Variants in SLC14A2 observed in about 807,000 individuals in gnomAD.
SLC14A2 encodes the protein solute carrier family 14 member 2.
Under a neutral mutation model 104.6 loss-of-function variants are expected in SLC14A2, and 91 were observed. The ratio of observed to expected loss-of-function variants is 0.87; its 90% CI spans 0.73 to 1.04. SLC14A2 has a LOEUF of 1.04. Ranked by LOEUF, SLC14A2 falls within the 50% of genes least tolerant of loss-of-function variation. SLC14A2 has a pLI of 0.00. For synonymous variants in SLC14A2, 476 were observed against 466.4 expected (o/e 1.02, Z -0.27); for missense variants, 1,189 against 1,156.0 (o/e 1.03, Z -0.41).
rs1390563934 is a variant in SLC14A2 at position 45,656,647 on chromosome 18, T to C, written c.1352-7138T>C. Reference sequence around the variant, plus strand: ...TCATTCTGGAGAAAAATCAGTCTGGTGTCCCGCAGTTAGAGATGGGGTGCT... The same window carrying C: ...TCATTCTGGAGAAAAATCAGTCTGGCGTCCCGCAGTTAGAGATGGGGTGCT... On this transcript the variant is annotated intron_variant, in intron 10 of 19. Coordinates refer to ENST00000255226, the MANE Select transcript of SLC14A2 (RefSeq NM_007163.4). Among the ~76,000 whole-genome samples, 5 of 152,312 alleles carry C rather than the reference T, an allele frequency of 3.3e-5. No homozygotes were observed. In the East Asian group the frequency reaches 7.7e-4, roughly 24 times the overall value.
At position 45,667,833 on chromosome 18, in the gene SLC14A2, A is replaced by G. The variant is rs553388271; in HGVS notation, c.1718A>G (p.Asp573Gly). ...EMKECGEGLKDKSPVFQFFDW... is the reference protein window; with the variant it reads ...EMKECGEGLKGKSPVFQFFDW... The stretch of plus-strand genomic sequence containing the variant: ...ACTTCCTGCCCCGGTTCCATTTCAG[A>G]CAAGTCCCCAGTGTTCCAGTTCTTT... Residue 573 changes from aspartate (D) to glycine (G), a missense_variant and splice_region_variant, in exon 14 of 20, where the codon GAC (aspartate) becomes GGC (glycine). Physicochemically the swap from Asp to Gly is moderately conservative, Grantham distance 94. Transcript: ENST00000255226. 11 of 1,613,756 alleles carry G rather than the reference A, an allele frequency of 6.8e-6. No individual in the cohort carries two copies. In the South Asian group the frequency reaches 1.2e-4, roughly 18 times the overall value.
chr18:45,293,917 C>A (rs1010539942), intron 1 of SLC14A2, among the ~76,000 whole-genome samples: 1 of 151,962 alleles, frequency 6.6e-6, no homozygotes, highest in Non-Finnish European at 1.5e-5. Context: ...CTACAATATC[C>A]ATATAGTTCT....
intron 2 of SLC14A2, among the ~76,000 whole-genome samples, chr18:45,589,287 G>A (rs1237129911): frequency 6.6e-6 from 1 of 151,358 alleles, no homozygotes; most frequent in African/African-American, 2.4e-5. Context: ...AGTTTTGGGG[G>A]TGGGGAGCTG....
At chr18:45,199,942 C>A in the SLC14A2 span, among the ~76,000 whole-genome samples, 1 of 152,142 alleles carries the variant, frequency 6.6e-6, no homozygotes, top group Non-Finnish European at 1.5e-5. Context: ...GAAGTGCAGT[C>A]TGTGTCCGAT....
intron 1 of SLC14A2, among the ~76,000 whole-genome samples, chr18:45,441,030 G>T (rs1276200465): frequency 6.6e-6 from 1 of 151,972 alleles, no homozygotes; most frequent in African/African-American, 2.4e-5. Flanking sequence ...TCCTATTTTT[G>T]CCCAATCTCT....
intron 1 of SLC14A2, among the ~76,000 whole-genome samples, chr18:45,234,327 G>T (rs1467030737): frequency 1.3e-5 from 2 of 152,184 alleles, no homozygotes; most frequent in African/African-American, 2.4e-5. Context: ...ATCTTTCAAT[G>T]CATATAGTCT....
At chr18:45,412,520 A>G (rs1322233861) in intron 1 of SLC14A2, among the ~76,000 whole-genome samples, 1 of 152,272 alleles carries the variant, frequency 6.6e-6, no homozygotes, top group East Asian at 1.9e-4. Context: ...TGCTTTCATC[A>G]TCACTTCTAG....
chr18:45,189,097 A>G, the SLC14A2 span, among the ~76,000 whole-genome samples: 1 of 152,212 alleles, frequency 6.6e-6, no homozygotes, highest in Non-Finnish European at 1.5e-5. Flanking sequence ...CCTGATGTAG[A>G]AACAACTGAT....
chr18:45,566,921 A>C (rs2044274410), intron 2 of SLC14A2, among the ~76,000 whole-genome samples: 1 of 152,148 alleles, frequency 6.6e-6, no homozygotes, highest in Non-Finnish European at 1.5e-5. Context: ...ATGTATTTTC[A>C]AGTAACAACT....
At chr18:45,483,709 C>T (rs910374000) in intron 2 of SLC14A2, among the ~76,000 whole-genome samples, 5 of 152,120 alleles carry the variant, frequency 3.3e-5, no homozygotes, top group African/African-American at 1.2e-4. Flanking sequence ...GTTTTCCTTC[C>T]TCATGCCACC....
intron 1 of SLC14A2, among the ~76,000 whole-genome samples, chr18:45,426,112 T>C (rs991691839): frequency 2.0e-5 from 3 of 152,080 alleles, no homozygotes; most frequent in African/African-American, 7.2e-5. Context: ...CCTCCACATC[T>C]CCCTGGCACG....
At chr18:45,261,380 A>G (rs1400201825) in intron 1 of SLC14A2, among the ~76,000 whole-genome samples, 1 of 151,438 alleles carries the variant, frequency 6.6e-6, no homozygotes. Flanking sequence ...TCTATGGTGT[A>G]TATGTGCCAC....
chr18:45,186,293 G>C, the SLC14A2 span, among the ~76,000 whole-genome samples: 2 of 152,200 alleles, frequency 1.3e-5, no homozygotes, highest in Non-Finnish European at 2.9e-5. Flanking sequence ...AGACAGGACA[G>C]AGGGCCACTT....
chr18:45,641,747 G>A (rs1029465514), intron 8 of SLC14A2, among the ~76,000 whole-genome samples: 3 of 152,228 alleles, frequency 2.0e-5, no homozygotes, highest in Non-Finnish European at 1.5e-5. Flanking sequence ...TAGCAGGAGA[G>A]AAGTAATTGC....
chr18:45,200,309 C>T, the SLC14A2 span, among the ~76,000 whole-genome samples: 1 of 152,080 alleles, frequency 6.6e-6, no homozygotes, highest in Non-Finnish European at 1.5e-5. Context: ...CACTTCTCTG[C>T]CTTAAATACA....
chr18:45,521,551 C>G (rs1480415685), intron 2 of SLC14A2, among the ~76,000 whole-genome samples: 1 of 152,120 alleles, frequency 6.6e-6, no homozygotes, highest in East Asian at 1.9e-4. Flanking sequence ...TGAGGTATAA[C>G]TTTGGAAAAG....
At position 45,230,332 on chromosome 18, in the gene SLC14A2, G is replaced by A. The variant is rs144711822; in HGVS notation, c.-125+17141G>A. Among the ~76,000 whole-genome samples, 126 of 152,328 alleles carry A rather than the reference G, an allele frequency of 8.3e-4. 1 individual carries two copies. The highest frequency in any genetic ancestry group is 1.6e-3 in the Non-Finnish European group (111 of 68,036). ...TTGCATGGGCTAATATCAAGGTAACGGCAGTGTTTTGGGGGGCTTCTAGGG... is the reference window on the plus strand; with the variant it reads ...TTGCATGGGCTAATATCAAGGTAACAGCAGTGTTTTGGGGGGCTTCTAGGG... On this transcript the variant is annotated intron_variant, in intron 1 of 20. Coordinates refer to the SLC14A2 transcript ENST00000586448.
At position 45,623,779 on chromosome 18, in the gene SLC14A2, C is replaced by T. The variant is rs116536558; in HGVS notation, c.-34-852C>T. On this transcript the variant is annotated intron_variant, in intron 1 of 19. Coordinates refer to ENST00000255226, the MANE Select transcript of SLC14A2 (RefSeq NM_007163.4). The stretch of plus-strand genomic sequence containing the variant: ...CACTGAAGGGATGCAGCATGGAGCA[C>T]GGAGCAATGGGGAAAGCTCTAGGTC... 1.9e-3 allele frequency among the ~76,000 whole-genome samples: 292 copies of T among 152,148 alleles called. 4 individuals are homozygous for T. The highest frequency in any genetic ancestry group is 6.8e-3 in the African/African-American group (282 of 41,486).
intron 1 of SLC14A2, among the ~76,000 whole-genome samples, chr18:45,619,493 G>GC (rs1411141070): frequency 1.3e-5 from 2 of 152,226 alleles, no homozygotes; most frequent in Non-Finnish European, 2.9e-5. Flanking sequence ...TGTTTTGGGA[G>GC]CCCCTTGCCA....
Sources: gnomAD v4.1 joint callset for allele counts (sites outside exome capture counted in the v4.1 genomes callset) on GRCh38, gnomAD v4.1.1 for gene constraint, MANE v1.5 for transcripts, NCBI Gene and HGNC (gene_info 2026-07-23, HGNC 2026-07-21) for gene names.